The following DPP6 variants were observed in gnomAD, a reference collection of about 807,000 sequenced individuals.
The protein encoded by DPP6 is A-type potassium channel modulatory protein DPP6.
In DPP6, 69 loss-of-function variants were observed where a neutral mutation model predicts 122.6. That is an observed-to-expected ratio of 0.56 (90% CI 0.46 to 0.69). DPP6 has a LOEUF of 0.69. DPP6 is among the 30% of genes least tolerant of loss of function. The pLI is 0.00. For missense variants in DPP6, 928 were observed against 1,116.9 expected, an observed-to-expected ratio of 0.83 and a Z score of 2.41; for synonymous variants, 418 against 433.1, an observed-to-expected ratio of 0.97 and a Z score of 0.43.
intron 1 of DPP6, among the ~76,000 whole-genome samples, chr7:154,063,495 CT>C (rs143374543): frequency 0.17 from 20,601 of 117,962 alleles, 3,951 homozygotes; most frequent in Non-Finnish European, 0.21. Context: ...TCTTCCCCCC[CT>C]GGCTCTTAAG....
Position 154,566,785 on chromosome 7 carries a change from A to C in DPP6, c.553-57A>C. On this transcript the variant is annotated intron_variant, in intron 4 of 25. Transcript: ENST00000377770. ...CACCAGCAGATACAATTTTATTATA[A>C]GATTCTGACTTGTTGTATGTAATGC... 3.0e-6 allele frequency: 3 copies of C among 987,068 alleles called. No homozygotes were observed. In the East Asian group the frequency reaches 7.7e-5, roughly 25 times the overall value. 61.1% of individuals were successfully genotyped at this position (987,068 alleles called of 1,614,324 possible).
At chr7:153,799,477 C>T in the DPP6 span, among the ~76,000 whole-genome samples, 1 of 152,100 alleles carries the variant, frequency 6.6e-6, no homozygotes, top group African/African-American at 2.4e-5. Flanking sequence ...CTGAACAAAG[C>T]AGACACTGCC....
intron 1 of DPP6, among the ~76,000 whole-genome samples, chr7:154,251,402 G>C (rs1802342462): frequency 6.6e-6 from 1 of 152,222 alleles, no homozygotes; most frequent in African/African-American, 2.4e-5. Context: ...AGTCAACAAG[G>C]CTGTGCAGGT....
chr7:154,859,333 G>T (rs1584914771), intron 17 of DPP6, among the ~76,000 whole-genome samples: 1 of 152,258 alleles, frequency 6.6e-6, no homozygotes, highest in Admixed American at 6.5e-5. Context: ...AAGACAGGAG[G>T]CCTCGGGGAG....
chr7:154,479,706 C>A (rs752116848), intron 3 of DPP6, among the ~76,000 whole-genome samples: 1 of 152,122 alleles, frequency 6.6e-6, no homozygotes, highest in Non-Finnish European at 1.5e-5. Flanking sequence ...GTTATAACAA[C>A]CGCATTGCAC....
chr7:154,329,098 A>G (rs557584985), intron 1 of DPP6, among the ~76,000 whole-genome samples: 5 of 152,348 alleles, frequency 3.3e-5, no homozygotes, highest in Admixed American at 6.5e-5. Context: ...CTCTTAAGGA[A>G]GAATAGATTG....
chr7:154,044,946 A>G (rs892432433), intron 1 of DPP6, among the ~76,000 whole-genome samples: 3 of 152,120 alleles, frequency 2.0e-5, no homozygotes, highest in African/African-American at 4.8e-5. Flanking sequence ...GCCAAATTGC[A>G]TATGTTCTGG....
chr7:154,837,906 T>G (rs1475763441), intron 16 of DPP6, among the ~76,000 whole-genome samples: 1 of 152,214 alleles, frequency 6.6e-6, no homozygotes, highest in Non-Finnish European at 1.5e-5. Flanking sequence ...TTTTTCTCAC[T>G]TCCTTTTCTA....
chr7:154,321,860 G>T (rs570811060), intron 1 of DPP6, among the ~76,000 whole-genome samples: 1 of 151,584 alleles, frequency 6.6e-6, no homozygotes, highest in Non-Finnish European at 1.5e-5. Flanking sequence ...TGCAGGTAGC[G>T]GCCTTAGACC....
intron 1 of DPP6, among the ~76,000 whole-genome samples, chr7:154,232,753 C>A (rs1800990880): frequency 1.3e-5 from 2 of 152,226 alleles, no homozygotes. Context: ...GTATCTATAT[C>A]TGTTCCTCTA....
intron 10 of DPP6, among the ~76,000 whole-genome samples, chr7:154,776,244 CATAG>C (rs533960620): frequency 1.4e-4 from 5 of 34,596 alleles, no homozygotes; most frequent in African/African-American, 7.8e-4. Flanking sequence ...TAAACAGATA[CATAG>C]ATAGATAGAT....
At chr7:154,482,170 C>T (rs373192551) in intron 3 of DPP6, among the ~76,000 whole-genome samples, 41 of 152,264 alleles carry the variant, frequency 2.7e-4, no homozygotes, top group East Asian at 9.6e-4. Context: ...GAACAACCAA[C>T]GCAAAGGTCT....
At chr7:153,954,050 C>T (rs1209858178) in intron 1 of DPP6, among the ~76,000 whole-genome samples, 4 of 152,170 alleles carry the variant, frequency 2.6e-5, no homozygotes, top group Non-Finnish European at 5.9e-5. Flanking sequence ...ATCTCCTTCA[C>T]GTAAATGTCA....
intron 1 of DPP6, among the ~76,000 whole-genome samples, chr7:153,899,589 AT>A (rs1460429780): frequency 6.6e-6 from 1 of 152,226 alleles, no homozygotes; most frequent in Non-Finnish European, 1.5e-5. Flanking sequence ...TGGACTTTGA[AT>A]ATCATTAAAG....
At chr7:154,289,777 T>C (rs1247271102) in intron 1 of DPP6, among the ~76,000 whole-genome samples, 1 of 152,214 alleles carries the variant, frequency 6.6e-6, no homozygotes, top group Non-Finnish European at 1.5e-5. Flanking sequence ...TATTTGTCAT[T>C]GCCTAACATC....
chr7:154,304,235 G>A (rs576153120), intron 1 of DPP6, among the ~76,000 whole-genome samples: 1 of 152,386 alleles, frequency 6.6e-6, no homozygotes, highest in East Asian at 1.9e-4. Flanking sequence ...CTGGCCTGGA[G>A]TGCAGAGAAA....
chr7:153,808,431 C>G, the DPP6 span, among the ~76,000 whole-genome samples: 165 of 151,214 alleles, frequency 1.1e-3, 1 homozygote, highest in Middle Eastern at 6.9e-3. Context: ...GTGTGTGTGA[C>G]TGTGTGTGTG....
intron 1 of DPP6, among the ~76,000 whole-genome samples, chr7:154,264,661 AATGATGGTGATCCTG>A (rs1337110421): frequency 6.6e-6 from 1 of 151,868 alleles, no homozygotes; most frequent in East Asian, 1.9e-4. Context: ...TGATAGTGAT[AATGATGGTGATCCTG>A]ATGATGGTGT....
Position 154,009,971 on chromosome 7 carries a change from G to T in DPP6, c.51+122237G>T, listed in dbSNP as rs1477911346. Among the ~76,000 whole-genome samples, 6 of 152,364 alleles carry T rather than the reference G, an allele frequency of 3.9e-5. No individual in the cohort carries two copies. The East Asian group carries it at 5.8e-4, about 15-fold the overall frequency. On this transcript the variant is annotated intron_variant, in intron 1 of 25. Coordinates refer to the DPP6 transcript ENST00000404039. ...TCTTAGCAAAATTTATTTGCCTAAA[G>T]TCGCATAGGTAATTAAAAGTAGATA... is the stretch of plus-strand genomic sequence containing the variant.
Sources: gnomAD v4.1 joint callset for allele counts (sites outside exome capture counted in the v4.1 genomes callset) on GRCh38, gnomAD v4.1.1 for gene constraint, MANE v1.5 for transcripts, NCBI Gene and HGNC (gene_info 2026-07-23, HGNC 2026-07-21) for gene names.